The following TAMM41 variants were observed in gnomAD, a reference collection of about 807,000 sequenced individuals.
TAMM41 encodes TAM41 mitochondrial translocator assembly and maintenance homolog.
TAMM41 carries 36 observed loss-of-function variants against 44.1 expected under a neutral mutation model. That is an observed-to-expected ratio of 0.82 (90% CI 0.63 to 1.08). The LOEUF (loss-of-function observed/expected upper bound fraction) is 1.08. Among genes scored for constraint, TAMM41 ranks in the 50% least tolerant of loss-of-function variants. The pLI is 0.00. For synonymous variants in TAMM41, 164 were observed against 153.1 expected, an observed-to-expected ratio of 1.07 and a Z score of -0.53; for missense variants, 417 against 404.3, an observed-to-expected ratio of 1.03 and a Z score of -0.27.
At chr3:11,841,728 T>C (rs986378276) in intron 2 of TAMM41, among the ~76,000 whole-genome samples, 2 of 152,162 alleles carry the variant, frequency 1.3e-5, no homozygotes, top group African/African-American at 4.8e-5. Context: ...GTGTCAGCCT[T>C]TTCCCCCCAA....
At chr3:11,807,653 G>A (rs994731352) in intron 7 of TAMM41, 180 bp downstream of exon 7, 4 of 1,536,264 alleles carry the variant, frequency 2.6e-6, no homozygotes, top group East Asian at 2.4e-5. Context: ...GACATTGTTC[G>A]ACCACCAGGT....
In TAMM41 at chr3:11,843,011, G is replaced by A. The variant is rs377621965; in HGVS notation, c.318+1018C>T. 1.3e-5 allele frequency among the ~76,000 whole-genome samples: 2 copies of A among 152,272 alleles called. 1 individual carries two copies. Among genetic ancestry groups the A allele is most frequent in the African/African-American group, 4.8e-5 (2 of 41,564 alleles). ...TTCAGCAAAGTTCCTGCTGTCAGAT[G>A]AACCACCAGCAGGAATCCATGCAAC... On this transcript the variant is annotated intron_variant, in intron 2 of 7. Coordinates refer to ENST00000455809, the MANE Select transcript of TAMM41 (RefSeq NM_001284401.2).
chr3:11,844,574 G>C (rs900849390), intron 1 of TAMM41, among the ~76,000 whole-genome samples: 7 of 152,182 alleles, frequency 4.6e-5, no homozygotes, highest in African/African-American at 1.7e-4. Context: ...CAGAGCTTGT[G>C]AGTGGCAGAC....
intron 7 of TAMM41, among the ~76,000 whole-genome samples, chr3:11,805,319 TA>T (rs2077875716): frequency 6.6e-6 from 1 of 152,088 alleles, no homozygotes; most frequent in Non-Finnish European, 1.5e-5. Flanking sequence ...TCTATTTTTT[TA>T]GAGACAGGGT....
At chr3:11,803,254 A>C (rs1030827038) in intron 7 of TAMM41, among the ~76,000 whole-genome samples, 1 of 152,168 alleles carries the variant, frequency 6.6e-6, no homozygotes, top group African/African-American at 2.4e-5. Flanking sequence ...CCTGGGTGAC[A>C]GAGATTCCGT....
At chr3:11,736,829 C>T in the TAMM41 span, among the ~76,000 whole-genome samples, 1 of 152,154 alleles carries the variant, frequency 6.6e-6, no homozygotes, top group Non-Finnish European at 1.5e-5. Flanking sequence ...AGGGGAAATT[C>T]TTCTGTAGAC....
intron 5 of TAMM41, among the ~76,000 whole-genome samples, chr3:11,814,119 A>G (rs2078195808): frequency 6.6e-6 from 1 of 152,030 alleles, no homozygotes; most frequent in African/African-American, 2.4e-5. Context: ...TCAAGGCTGC[A>G]GTGAGCTATG....
At chr3:11,805,239 C>T (rs1316155487) in intron 7 of TAMM41, among the ~76,000 whole-genome samples, 1 of 151,634 alleles carries the variant, frequency 6.6e-6, no homozygotes, top group African/African-American at 2.4e-5. Context: ...TGAGCTCGGG[C>T]AATCTGCCTG....
chr3:11,830,211 TCGA>T (rs1243569752), intron 3 of TAMM41, among the ~76,000 whole-genome samples: 2 of 152,234 alleles, frequency 1.3e-5, no homozygotes, highest in Non-Finnish European at 2.9e-5. Flanking sequence ...AATTTTTTAG[TCGA>T]CAGAGGCATT....
intron 6 of TAMM41, chr3:11,808,168 G>A: frequency 1.0e-6 from 1 of 962,304 alleles, no homozygotes; most frequent in Non-Finnish European, 1.4e-6. Flanking sequence ...AAGGGGATGG[G>A]TTAGCTGACC....
At chr3:11,730,882 A>AT in the TAMM41 span, among the ~76,000 whole-genome samples, 1 of 152,164 alleles carries the variant, frequency 6.6e-6, no homozygotes, top group African/African-American at 2.4e-5. Flanking sequence ...TGGGGTTCGA[A>AT]TGTGAGCACC....
the TAMM41 span, among the ~76,000 whole-genome samples, chr3:11,752,446 T>G: frequency 7.9e-5 from 12 of 151,988 alleles, no homozygotes; most frequent in Non-Finnish European, 1.3e-4. Flanking sequence ...GAATGCTGAT[T>G]GGTCCATTTT....
chr3:11,744,619 C>G, the TAMM41 span, among the ~76,000 whole-genome samples: 1 of 151,894 alleles, frequency 6.6e-6, no homozygotes, highest in African/African-American at 2.4e-5. Context: ...CACTTAAACC[C>G]AGGAGGTGGA....
At chr3:11,844,254 A>G (rs767314183) in intron 1 of TAMM41, 43 bp from the exon 2 acceptor site, 6 of 1,586,500 alleles carry the variant, frequency 3.8e-6, no homozygotes, top group South Asian at 1.1e-5. Flanking sequence ...ATTAATTCCT[A>G]GAAAGGCAGC....
At chr3:11,825,083 C>G (rs73134825) in intron 4 of TAMM41, among the ~76,000 whole-genome samples, 31 of 152,232 alleles carry the variant, frequency 2.0e-4, no homozygotes, top group African/African-American at 7.5e-4. Flanking sequence ...GTGTTAAGAG[C>G]AAGCATTCCA....
rs149362382 is a variant in TAMM41 at position 11,807,573 on chromosome 3, C to T, written c.937+260G>A. 232 of 1,536,028 alleles carry T rather than the reference C, an allele frequency of 1.5e-4. 3 individuals are homozygous for T. In the African/African-American group the frequency reaches 2.6e-3, roughly 17 times the overall value. ...AAATAAAACAATATGAGGGAAAAACCCTGCACACAGGAAGTGTCTCAGAAA... is the reference window on the plus strand; with the variant it reads ...AAATAAAACAATATGAGGGAAAAACTCTGCACACAGGAAGTGTCTCAGAAA... On this transcript the variant is annotated intron_variant, in intron 7 of 7. Transcript: ENST00000455809.
At chr3:11,792,905 C>T (rs945703942) in intron 7 of TAMM41, among the ~76,000 whole-genome samples, 1 of 151,626 alleles carries the variant, frequency 6.6e-6, no homozygotes, top group Admixed American at 6.6e-5. Flanking sequence ...ACTAAAAATA[C>T]AAAAAATTAG....
intron 2 of TAMM41, 43 bp from the exon 3 acceptor site, chr3:11,839,357 T>C (rs1483103363): frequency 8.1e-7 from 1 of 1,233,112 alleles, no homozygotes; most frequent in Admixed American, 1.8e-5. Context: ...TAAAATACCA[T>C]GTTATTGCTT....
chr3:11,835,248 T>C (rs183737515), intron 3 of TAMM41, among the ~76,000 whole-genome samples: 1 of 152,176 alleles, frequency 6.6e-6, no homozygotes, highest in East Asian at 1.9e-4. Context: ...GAGGCACAGA[T>C]AGTTTGTTTA....
Sources: allele counts gnomAD v4.1 joint callset (sites outside exome capture counted in the v4.1 genomes callset), GRCh38; gene constraint gnomAD v4.1.1; transcripts MANE v1.5; gene names NCBI Gene and HGNC (gene_info 2026-07-23, HGNC 2026-07-21).